The following ENOSF1 variants were observed in gnomAD, a reference collection of about 807,000 sequenced individuals.
ENOSF1 encodes mitochondrial enolase superfamily member 1.
In ENOSF1, 73 loss-of-function variants were observed where a neutral mutation model predicts 68.2. The ratio of observed to expected loss-of-function variants is 1.07; its 90% CI spans 0.89 to 1.30. The LOEUF (loss-of-function observed/expected upper bound fraction) is 1.30, where lower values mean the gene tolerates loss of function less well. ENOSF1 is among the 50% of genes most tolerant of loss of function. The probability of loss-of-function intolerance (pLI) is 0.00; values close to 1 mark genes in which losing one functional copy is unlikely to be tolerated. For synonymous variants in ENOSF1, 223 were observed against 210.4 expected, an observed-to-expected ratio of 1.06 and a Z score of -0.52; for missense variants, 589 against 554.5, an observed-to-expected ratio of 1.06 and a Z score of -0.62.
In ENOSF1 at chr18:670,360, C is replaced by T. The variant is rs1349868068; in HGVS notation, c.*3945G>A. On this transcript the variant is annotated 3_prime_UTR_variant, in exon 16 of 16. Transcript: ENST00000647584. ...GAGACTTTTAATATAGGAGGGTGTACCAGAAGCACCAGTTTCCTGTGGCAA... is the reference window on the plus strand; with the variant it reads ...GAGACTTTTAATATAGGAGGGTGTATCAGAAGCACCAGTTTCCTGTGGCAA... 1 of 224,204 alleles carries T rather than the reference C, an allele frequency of 4.5e-6. No individual in the cohort carries two copies. The highest frequency in any genetic ancestry group is 5.2e-5 in the Admixed American group (1 of 19,262). The allele number at this position is 224,204 out of a possible 1,614,324, so 13.9% of individuals were successfully genotyped here.
At position 712,549 on chromosome 18, in the gene ENOSF1, G is replaced by A. The variant is rs1425408866; in HGVS notation, c.39C>T (p.Asp13=). Residue 13 remains aspartate, a synonymous_variant, in exon 1 of 16, where the codon GAC becomes GAT. Transcript: ENST00000647584. ...CCCCAAGCGACGTGGGGAAGCGCAC[G>A]TCCCGGACCGAGAGCCGGGAGATCC... The part of the protein sequence containing the change: ...RGRISRLSVR[D]VRFPTSLGGH... The A allele has an allele frequency of 9.1e-6, 14 of 1,539,786 alleles. No individual in the cohort carries two copies. In the East Asian group the frequency reaches 2.0e-4, roughly 22 times the overall value.
chr18:693,494 AT>A, intron 5 of ENOSF1: 1 of 985,330 alleles, frequency 1.0e-6, no homozygotes, highest in South Asian at 4.7e-5. Flanking sequence ...TCTTCATAAT[AT>A]TATAACATCT....
intron 2 of ENOSF1, among the ~76,000 whole-genome samples, chr18:698,176 G>C (rs1464240067): frequency 6.6e-6 from 1 of 152,192 alleles, no homozygotes; most frequent in Non-Finnish European, 1.5e-5. Flanking sequence ...AACTTCCTGA[G>C]TAGAGAACAC....
intron 3 of ENOSF1, among the ~76,000 whole-genome samples, chr18:695,105 C>G (rs182336434): frequency 6.6e-6 from 1 of 152,286 alleles, no homozygotes; most frequent in East Asian, 1.9e-4. Flanking sequence ...AATCCATATC[C>G]CATCTGGGAT....
Position 712,600 on chromosome 18 carries a change from C to T in ENOSF1, c.-13G>A. On this transcript the variant is annotated 5_prime_UTR_variant, in exon 1 of 16. Coordinates refer to ENST00000647584, the MANE Select transcript of ENOSF1 (RefSeq NM_017512.7). ...TGCCGCGCACCATGGCCCCTGCGCC[C>T]CGTGGCCGCGGCCCCCGTGCGGTCA... 2 of 1,531,842 alleles carry T rather than the reference C, an allele frequency of 1.3e-6. No individual in the cohort carries two copies. The highest frequency in any genetic ancestry group is 1.7e-6 in the Non-Finnish European group (2 of 1,143,924). The allele number at this position is 1,531,842 out of a possible 1,614,324, so 94.9% of individuals were successfully genotyped here. A position where few individuals can be genotyped will look rare whatever the true frequency, so the allele number is the denominator to read the frequency against.
intron 14 of ENOSF1, among the ~76,000 whole-genome samples, chr18:676,634 C>A (rs917130211): frequency 1.3e-5 from 2 of 152,176 alleles, no homozygotes; most frequent in African/African-American, 2.4e-5. Context: ...TCAGGTATTT[C>A]TTTATAGCAG....
Position 691,512 on chromosome 18 carries a change from ATTTATT to A in ENOSF1, c.424-242_424-237del, listed in dbSNP as rs562024844. The stretch of plus-strand genomic sequence containing the variant: ...AGGTATGTGCCACTATGCCCGGCTA[ATTTATT>A]TTTATTTTTGTAGAGATGGGGTCTC... On this transcript the variant is annotated intron_variant, in intron 5 of 15. Coordinates refer to ENST00000647584, the MANE Select transcript of ENOSF1 (RefSeq NM_017512.7). The A allele has an allele frequency of 4.1e-4, 181 of 439,866 alleles. 1 individual carries two copies. Among genetic ancestry groups the A allele is most frequent in the African/African-American group, 3.2e-3 (162 of 49,884 alleles). 27.2% of individuals were successfully genotyped at this position (439,866 alleles called of 1,614,324 possible).
At chr18:669,434 G>GT (rs1264040247), downstream of ENOSF1, 2 of 329,494 alleles carry the variant, frequency 6.1e-6, no homozygotes, top group East Asian at 1.1e-4. Flanking sequence ...ATGCAACGGC[G>GT]TGATCTTGGC....
At chr18:696,506 C>A (rs750055169) in intron 3 of ENOSF1, among the ~76,000 whole-genome samples, 1 of 151,984 alleles carries the variant, frequency 6.6e-6, no homozygotes, top group Admixed American at 6.6e-5. Flanking sequence ...CCACCGCGCC[C>A]GGCCTGACCT....
chr18:688,628 G>A lies in ENOSF1; in HGVS notation c.619-20C>T. 6.2e-7 allele frequency: 1 copy of A among 1,611,218 alleles called. No individual in the cohort carries two copies. Among genetic ancestry groups the A allele is most frequent in the East Asian group, 2.2e-5 (1 of 44,780 alleles). ...ACAGAGCTGTGGGAAAGGAGCACAG[G>A]GTCACACACTGGAGAGAGCCCCTTG... On this transcript the variant is annotated intron_variant, in intron 8 of 15. Transcript: ENST00000647584.
chr18:697,964 T>C (rs1473237700), intron 2 of ENOSF1, among the ~76,000 whole-genome samples: 1 of 152,116 alleles, frequency 6.6e-6, no homozygotes, highest in African/African-American at 2.4e-5. Context: ...TGGTTAATTT[T>C]GGTATTTTTT....
the ENOSF1 span, among the ~76,000 whole-genome samples, chr18:664,138 C>T: frequency 6.6e-6 from 1 of 151,602 alleles, no homozygotes; most frequent in Non-Finnish European, 1.5e-5. Flanking sequence ...ATTGATTCTT[C>T]CTACCCATGA....
intron 1 of ENOSF1, among the ~76,000 whole-genome samples, chr18:707,891 A>C (rs986400732): frequency 6.6e-6 from 1 of 151,822 alleles, no homozygotes; most frequent in Non-Finnish European, 1.5e-5. Context: ...ACTGACTCTC[A>C]CTCTGTTCTC....
rs555374328 is a variant in ENOSF1, at chr18:670,328, T to C, written c.*3977A>G. Reference sequence around the variant, plus strand: ...AGGCATGAGCCACTGTGCCTGGCCATGTAATAGAGACTTTTAATATAGGAG... The same window carrying C: ...AGGCATGAGCCACTGTGCCTGGCCACGTAATAGAGACTTTTAATATAGGAG... On this transcript the variant is annotated 3_prime_UTR_variant, in exon 16 of 16. Transcript: ENST00000647584. 4.6e-4 allele frequency: 80 copies of C among 174,032 alleles called. No homozygotes were observed. The highest frequency in any genetic ancestry group is 1.7e-3 in the African/African-American group (70 of 42,130). 10.8% of individuals were successfully genotyped at this position (174,032 alleles called of 1,614,324 possible). A position where few individuals can be genotyped will look rare whatever the true frequency, so the allele number is the denominator to read the frequency against.
At position 673,082 on chromosome 18, in the gene ENOSF1, A is replaced by G. The variant is rs2075140970; in HGVS notation, c.*1223T>C. Reference sequence around the variant, plus strand: ...AGGTAAAAGTTCTTTTTGCTCTAAAAGAAAAAGGAACTAGGTCAAAAATCT... The same window carrying G: ...AGGTAAAAGTTCTTTTTGCTCTAAAGGAAAAAGGAACTAGGTCAAAAATCT... On this transcript the variant is annotated 3_prime_UTR_variant, in exon 16 of 16. Coordinates refer to ENST00000647584, the MANE Select transcript of ENOSF1 (RefSeq NM_017512.7). 24 of 1,398,296 alleles carry G rather than the reference A, an allele frequency of 1.7e-5. No homozygotes were observed. Among genetic ancestry groups the G allele is most frequent in the Non-Finnish European group, 2.2e-5 (23 of 1,051,994 alleles). 86.6% of individuals were successfully genotyped at this position (1,398,296 alleles called of 1,614,324 possible).
the ENOSF1 span, among the ~76,000 whole-genome samples, chr18:665,235 G>C: frequency 6.6e-6 from 1 of 150,668 alleles, no homozygotes; most frequent in Non-Finnish European, 1.5e-5. Flanking sequence ...CTTCTTCCTG[G>C]TTTAGTCTTG....
intron 8 of ENOSF1, among the ~76,000 whole-genome samples, chr18:689,096 G>T (rs1384026188): frequency 3.9e-5 from 6 of 152,090 alleles, no homozygotes. Flanking sequence ...ACCACCCCAT[G>T]AAATAGGCAT....
chr18:708,971 C>G (rs2079223925), intron 1 of ENOSF1, among the ~76,000 whole-genome samples: 1 of 152,112 alleles, frequency 6.6e-6, no homozygotes, highest in Admixed American at 6.6e-5. Flanking sequence ...TGCACTGAAG[C>G]CTCAGATGAG....
In ENOSF1 at chr18:691,239, T is replaced by C. The variant is rs779136532; in HGVS notation, c.461A>G (p.Tyr154Cys). 6.2e-7 allele frequency: 1 copy of C among 1,614,202 alleles called. No homozygotes were observed. Among genetic ancestry groups the C allele is most frequent in the Admixed American group, 1.7e-5 (1 of 60,032 alleles). The change falls in exon 6 of 16, where the codon TAC becomes TGC. Residue 154 changes from tyrosine to cysteine, a missense_variant. Tyr to Cys is a radical substitution (Grantham distance 194, BLOSUM62 -2). Transcript: ENST00000647584. The part of the protein sequence containing the change: ...RMLVSCIDFR[Y>C]ITDVLTEEDA... The stretch of plus-strand genomic sequence containing the variant: ...CTCCTCAGTCAGGACATCAGTGATG[T>C]ACCTGAAATCTATGCAGGATACCAG...
Sources: gnomAD v4.1 joint callset for allele counts (sites outside exome capture counted in the v4.1 genomes callset) on GRCh38, gnomAD v4.1.1 for gene constraint, MANE v1.5 for transcripts, NCBI Gene and HGNC (gene_info 2026-07-23, HGNC 2026-07-21) for gene names.